The following PCNX1 variants were observed in gnomAD, a reference collection of about 807,000 sequenced individuals.
PCNX1 encodes the protein pecanex 1.
In PCNX1, 78 loss-of-function variants were observed where a neutral mutation model predicts 242.2. The ratio of observed to expected loss-of-function variants is 0.32; its 90% CI spans 0.27 to 0.39. The LOEUF is 0.39. PCNX1 is among the 10% of genes least tolerant of loss of function. PCNX1 has a pLI of 1.00. For synonymous variants in PCNX1, 1,024 were observed against 1,032.9 expected (o/e 0.99, Z 0.17); for missense variants, 2,581 against 2,856.5 (o/e 0.90, Z 2.20).
intron 5 of PCNX1, among the ~76,000 whole-genome samples, chr14:70,972,646 G>A (rs1430356131): frequency 6.6e-6 from 1 of 152,188 alleles, no homozygotes; most frequent in Non-Finnish European, 1.5e-5. Flanking sequence ...TCCAAACCAA[G>A]GATCCAAGCC....
In PCNX1 at chr14:70,977,840, C is replaced by T; in HGVS notation, c.1503C>T (p.Ser501=). The T allele has an allele frequency of 6.2e-7, 1 of 1,614,066 alleles. No homozygotes were observed. Among genetic ancestry groups the T allele is most frequent in the Admixed American group, 1.7e-5 (1 of 60,016 alleles). ...NKNPHANEFT[S]QGDRPPGNTA... Reference sequence around the variant, plus strand: ...ATCCCCATGCAAATGAATTTACTTCCCAAGGGGACAGACCACCTGGGAACA... The same window carrying T: ...ATCCCCATGCAAATGAATTTACTTCTCAAGGGGACAGACCACCTGGGAACA... The change falls in exon 6 of 36, where the codon TCC becomes TCT. Residue 501 remains serine, a synonymous_variant. Transcript: ENST00000304743.
chr14:70,942,807 G>C (rs1260314862), intron 1 of PCNX1: 2 of 152,170 alleles, frequency 1.3e-5, no homozygotes, highest in African/African-American at 4.8e-5. Context: ...GATTAATATG[G>C]TTTGATTTTG....
intron 26 of PCNX1, among the ~76,000 whole-genome samples, chr14:71,064,031 G>T (rs118177717): frequency 6.6e-6 from 1 of 151,858 alleles, no homozygotes; most frequent in Non-Finnish European, 1.5e-5. Flanking sequence ...CAGTATGTTC[G>T]GCTGACTGGA....
chr14:71,104,923 A>G (rs1309489935), intron 32 of PCNX1, among the ~76,000 whole-genome samples: 1 of 72,574 alleles, frequency 1.4e-5, no homozygotes, highest in African/African-American at 5.4e-5. Flanking sequence ...ACTCCGTCTC[A>G]AAAAAAAAAA....
intron 2 of PCNX1, among the ~76,000 whole-genome samples, chr14:70,949,319 ACACG>A (rs1246405142): frequency 2.7e-4 from 40 of 147,266 alleles, no homozygotes; most frequent in Non-Finnish European, 3.9e-4. Context: ...GTGTAGATAC[ACACG>A]TGTATACACG....
intron 5 of PCNX1, among the ~76,000 whole-genome samples, chr14:70,974,970 A>C (rs1290436904): frequency 1.3e-5 from 2 of 152,208 alleles, no homozygotes; most frequent in Non-Finnish European, 2.9e-5. Context: ...TTTGTTTAGC[A>C]GTATCGAAAA....
At chr14:71,076,162 C>CTTTTTTT in intron 27 of PCNX1, 27 bp from the exon 28 acceptor site, 2 of 1,167,474 alleles carry the variant, frequency 1.7e-6, no homozygotes, top group East Asian at 2.7e-5. Context: ...AATCTGAATT[C>CTTTTTTT]TTTTTTTTTT....
chr14:71,056,243 A>G (rs1296833383), intron 25 of PCNX1, among the ~76,000 whole-genome samples: 2 of 152,222 alleles, frequency 1.3e-5, no homozygotes, highest in Non-Finnish European at 2.9e-5. Context: ...ATTCCTTCAA[A>G]TCTGATTAAT....
chr14:70,925,113 C>T (rs950615989), intron 1 of PCNX1, among the ~76,000 whole-genome samples: 5 of 151,838 alleles, frequency 3.3e-5, no homozygotes, highest in Non-Finnish European at 5.9e-5. Flanking sequence ...CTCAGACTCC[C>T]GAGTAGCTGG....
chr14:70,972,554 T>C (rs1430292013), intron 5 of PCNX1, among the ~76,000 whole-genome samples: 2 of 152,162 alleles, frequency 1.3e-5, no homozygotes, highest in Non-Finnish European at 2.9e-5. Context: ...TTGGCTATGG[T>C]TTGGCGCCAC....
chr14:70,943,848 T>TA (rs1282255133), intron 1 of PCNX1, among the ~76,000 whole-genome samples: 2 of 152,142 alleles, frequency 1.3e-5, no homozygotes, highest in Non-Finnish European at 2.9e-5. Flanking sequence ...CACCTGTGGT[T>TA]AAAAGGGGCC....
intron 7 of PCNX1, 65 bp downstream of exon 7, chr14:70,988,764 AG>A: frequency 6.6e-7 from 1 of 1,522,010 alleles, no homozygotes. Flanking sequence ...CTGTTCCGCC[AG>A]TCCCAAGAAA....
intron 2 of PCNX1, among the ~76,000 whole-genome samples, chr14:70,954,030 T>A (rs1467981136): frequency 6.6e-6 from 1 of 152,268 alleles, no homozygotes; most frequent in East Asian, 1.9e-4. Flanking sequence ...ATTGTCTTTT[T>A]GAAGTTTCAT....
At chr14:70,988,544 G>T (rs958810455) in intron 6 of PCNX1, 23 bp from the exon 7 acceptor site, 1 of 1,610,566 alleles carries the variant, frequency 6.2e-7, no homozygotes, top group Non-Finnish European at 8.5e-7. Flanking sequence ...GCTCTTGTTT[G>T]ACCTAAGTCT....
At chr14:71,084,260 G>T (rs2061928612) in intron 28 of PCNX1, among the ~76,000 whole-genome samples, 1 of 152,230 alleles carries the variant, frequency 6.6e-6, no homozygotes, top group Non-Finnish European at 1.5e-5. Flanking sequence ...GCCAGTCAGA[G>T]CTCTCCTGTA....
intron 8 of PCNX1, among the ~76,000 whole-genome samples, chr14:71,002,294 T>C (rs2059528482): frequency 6.6e-6 from 1 of 152,238 alleles, no homozygotes; most frequent in African/African-American, 2.4e-5. Flanking sequence ...GGAATTTCAC[T>C]GACTGTTTGC....
At chr14:71,086,228 G>A (rs1044679821) in intron 28 of PCNX1, among the ~76,000 whole-genome samples, 3 of 152,130 alleles carry the variant, frequency 2.0e-5, no homozygotes, top group Admixed American at 1.3e-4. Context: ...GCCTTCTTGA[G>A]CTTATGGAAT....
intron 1 of PCNX1, among the ~76,000 whole-genome samples, chr14:70,935,865 T>A (rs1435506549): frequency 6.6e-6 from 1 of 152,202 alleles, no homozygotes; most frequent in African/African-American, 2.4e-5. Flanking sequence ...GTCATTAAAA[T>A]TCCTGTCTGG....
intron 26 of PCNX1, among the ~76,000 whole-genome samples, chr14:71,071,379 T>TGA (rs1049366769): frequency 2.0e-5 from 3 of 152,172 alleles, no homozygotes; most frequent in Non-Finnish European, 4.4e-5. Context: ...CCCATCCTGG[T>TGA]GATACGGTTT....
Sources: allele counts gnomAD v4.1 joint callset (sites outside exome capture counted in the v4.1 genomes callset), GRCh38; gene constraint gnomAD v4.1.1; transcripts MANE v1.5; gene names NCBI Gene and HGNC (gene_info 2026-07-23, HGNC 2026-07-21).